The following CLMN variants were observed in gnomAD, a reference collection of about 807,000 sequenced individuals.
The protein encoded by CLMN is calmin (calponin-like, transmembrane).
CLMN carries 57 observed loss-of-function variants against 92.7 expected under a neutral mutation model. That is an observed-to-expected ratio of 0.61 (90% CI 0.50 to 0.77). The LOEUF is 0.77. CLMN is among the 30% of genes least tolerant of loss of function. The pLI, the probability that CLMN is intolerant of heterozygous loss-of-function variation, is 0.00. For synonymous variants in CLMN, 466 were observed against 470.6 expected (o/e 0.99, Z 0.13); for missense variants, 1,158 against 1,237.5 (o/e 0.94, Z 0.96).
At chr14:95,309,096 G>A (rs1318333934) in intron 1 of CLMN, among the ~76,000 whole-genome samples, 7 of 152,270 alleles carry the variant, frequency 4.6e-5, no homozygotes, top group East Asian at 3.9e-4. Context: ...AAACACAGAC[G>A]ACATCATTCA....
intron 1 of CLMN, among the ~76,000 whole-genome samples, chr14:95,293,920 A>G (rs1900702295): frequency 2.6e-5 from 4 of 151,562 alleles, no homozygotes; most frequent in Admixed American, 1.3e-4. Context: ...ACTCCCTCCC[A>G]CTCCCTCCTC....
intron 1 of CLMN, among the ~76,000 whole-genome samples, chr14:95,243,538 C>T (rs756118230): frequency 2.0e-5 from 3 of 152,096 alleles, no homozygotes; most frequent in Non-Finnish European, 2.9e-5. Flanking sequence ...AGCACTCACT[C>T]CTCCCTCACC....
intron 1 of CLMN, among the ~76,000 whole-genome samples, chr14:95,252,129 A>C (rs1898812529): frequency 6.6e-6 from 1 of 152,182 alleles, no homozygotes; most frequent in South Asian, 2.1e-4. Flanking sequence ...CCAAAGGAGC[A>C]ACAGGGGGTG....
Position 95,191,780 on chromosome 14 carries a change from G to C in CLMN, c.2841-48C>G. 2 of 1,550,278 alleles carry C rather than the reference G, an allele frequency of 1.3e-6. No individual in the cohort carries two copies. Among genetic ancestry groups the C allele is most frequent in the South Asian group, 1.2e-5 (1 of 82,264 alleles). On this transcript the variant is annotated intron_variant, in intron 12 of 12. Transcript: ENST00000298912. The surrounding 1 kb of genome is among the most constrained non-coding windows in gnomAD (Gnocchi z 5.3). ...ACGCAGTTACCAAGCAGGTTCCCAG[G>C]AAAGTGGACCCCACCCAGTGCTACC...
At position 95,186,084 on chromosome 14, in the gene CLMN, G is replaced by C. The variant is rs2140548193; in HGVS notation, c.*5480C>G. ...GTGGTTTTGTAGTAAACTTAACTGG[G>C]AATGAAGATGGCTATCTGGAGGTCA... On this transcript the variant is annotated 3_prime_UTR_variant, in exon 13 of 13. Coordinates refer to ENST00000298912, the MANE Select transcript of CLMN (RefSeq NM_024734.4). The C allele has an allele frequency of 6.6e-6, 1 of 152,350 alleles. No homozygotes were observed. Among genetic ancestry groups the C allele is most frequent in the African/African-American group, 2.4e-5 (1 of 41,570 alleles). 9.4% of individuals were successfully genotyped at this position (152,350 alleles called of 1,614,324 possible). A position where few individuals can be genotyped will look rare whatever the true frequency, so the allele number is the denominator to read the frequency against.
chr14:95,242,281 T>C (rs1457584037), intron 1 of CLMN, among the ~76,000 whole-genome samples: 1 of 137,054 alleles, frequency 7.3e-6, no homozygotes, highest in Non-Finnish European at 1.6e-5. Flanking sequence ...TTTTTTGAGA[T>C]GGAGTCAGGC....
intron 1 of CLMN, among the ~76,000 whole-genome samples, chr14:95,282,909 G>A (rs1900192878): frequency 6.6e-6 from 1 of 152,338 alleles, no homozygotes; most frequent in Middle Eastern, 3.4e-3. Context: ...CAATCAAGAA[G>A]CCCACACTCT....
intron 1 of CLMN, among the ~76,000 whole-genome samples, chr14:95,263,865 G>C (rs185466459): frequency 2.0e-5 from 3 of 152,280 alleles, no homozygotes; most frequent in Admixed American, 6.5e-5. Flanking sequence ...ACAAGTGACT[G>C]GCACAGCAAA....
rs376439332 is a variant in CLMN, at chr14:95,223,805, G to A, written c.195C>T (p.Gly65=). Residue 65 remains glycine, a synonymous_variant, in exon 3 of 13, where the codon GGC becomes GGT. Coordinates refer to ENST00000298912, the MANE Select transcript of CLMN (RefSeq NM_024734.4). ...VKDLFVDIQD[G]KILMALLEVL... ...CTTCTAACAAAGCCATTAGGATTTT[G>A]CCATCTTGTATATCGACGAATAAAT... 1 of 1,613,874 alleles carries A rather than the reference G, an allele frequency of 6.2e-7. No homozygotes were observed. Among genetic ancestry groups the A allele is most frequent in the East Asian group, 2.2e-5 (1 of 44,868 alleles).
intron 1 of CLMN, among the ~76,000 whole-genome samples, chr14:95,244,601 T>C (rs543475007): frequency 6.6e-6 from 1 of 152,324 alleles, no homozygotes; most frequent in African/African-American, 2.4e-5. Context: ...TTCAGGCTGC[T>C]AAAAAATCCA....
chr14:95,293,314 C>T (rs1458993614), intron 1 of CLMN, among the ~76,000 whole-genome samples: 1 of 76,262 alleles, frequency 1.3e-5, no homozygotes, highest in Non-Finnish European at 2.6e-5. Context: ...CCCTCCTTCC[C>T]TCCCTCCCTC....
intron 1 of CLMN, among the ~76,000 whole-genome samples, chr14:95,270,249 CTT>C (rs1358514483): frequency 6.6e-6 from 1 of 152,164 alleles, no homozygotes; most frequent in African/African-American, 2.4e-5. Context: ...TTAAAAATAA[CTT>C]ATTTCCCAAG....
Position 95,202,955 on chromosome 14 carries a change from C to A in CLMN, c.2394G>T (p.Leu798=), listed in dbSNP as rs750057590. ...TACCCACACCACCCCTGCTGAGATACAGCACCTGGTCGCTGGCACTGGGGA... is the reference window on the plus strand; with the variant it reads ...TACCCACACCACCCCTGCTGAGATAAAGCACCTGGTCGCTGGCACTGGGGA... ...ESLPSASDQV[L]YLSRGGVGTT... Residue 798 remains leucine (L), a synonymous_variant, in exon 9 of 13, where the codon CTG becomes CTT. Coordinates refer to ENST00000298912, the MANE Select transcript of CLMN (RefSeq NM_024734.4). The A allele has an allele frequency of 3.1e-6, 5 of 1,614,016 alleles. No homozygotes were observed. Among genetic ancestry groups the A allele is most frequent in the East Asian group, 4.5e-5 (2 of 44,864 alleles).
At chr14:95,201,449 G>A (rs1414326250) in intron 9 of CLMN, among the ~76,000 whole-genome samples, 1 of 151,744 alleles carries the variant, frequency 6.6e-6, no homozygotes, top group East Asian at 1.9e-4. Flanking sequence ...AATACCCAAC[G>A]GTTAGTACAC....
chr14:95,267,085 A>T (rs1465579534), intron 1 of CLMN, among the ~76,000 whole-genome samples: 1 of 152,192 alleles, frequency 6.6e-6, no homozygotes, highest in African/African-American at 2.4e-5. Flanking sequence ...AAAAGAAAAC[A>T]TTGAGGAAAT....
intron 1 of CLMN, among the ~76,000 whole-genome samples, chr14:95,250,358 GT>G (rs929496073): frequency 2.0e-5 from 3 of 152,168 alleles, no homozygotes; most frequent in Non-Finnish European, 4.4e-5. Context: ...TAGTTCCAAT[GT>G]TTTTTTCCTG....
intron 1 of CLMN, among the ~76,000 whole-genome samples, chr14:95,306,152 G>A (rs1258327264): frequency 6.6e-6 from 1 of 152,086 alleles, no homozygotes; most frequent in African/African-American, 2.4e-5. Flanking sequence ...GTGACAGCTG[G>A]GCCCCAGGTG....
intron 1 of CLMN, among the ~76,000 whole-genome samples, chr14:95,248,651 T>C (rs1898665332): frequency 6.6e-6 from 1 of 152,100 alleles, no homozygotes; most frequent in African/African-American, 2.4e-5. Flanking sequence ...CCTTGGAGGG[T>C]CCCTCTGCAG....
At position 95,213,417 on chromosome 14, in the gene CLMN, GA is replaced by G; in HGVS notation, c.418-9del. ...GCCTGTGAGCTCCTTAATCTGGAAG[GA>G]AAATGGCATTTCAGACCCCAGCAAC... On this transcript the variant is annotated splice_polypyrimidine_tract_variant and intron_variant, in intron 5 of 12. Coordinates refer to ENST00000298912, the MANE Select transcript of CLMN (RefSeq NM_024734.4). 1.3e-6 allele frequency: 2 copies of G among 1,594,332 alleles called. No homozygotes were observed. Among genetic ancestry groups the G allele is most frequent in the South Asian group, 1.1e-5 (1 of 88,662 alleles).
Sources: gnomAD v4.1 joint callset for allele counts (sites outside exome capture counted in the v4.1 genomes callset) on GRCh38, gnomAD v4.1.1 for gene constraint, Gnocchi (gnomAD v3.1) non-coding constraint, MANE v1.5 for transcripts, NCBI Gene and HGNC (gene_info 2026-07-23, HGNC 2026-07-21) for gene names.